Variants in VPS26C observed in about 807,000 individuals in gnomAD.
VPS26C encodes the protein VPS26 endosomal protein sorting factor C, also known as vacuolar protein sorting-associated protein 26C.
A neutral mutation model predicts 30.6 loss-of-function variants in VPS26C; 19 were observed. The ratio of observed to expected loss-of-function variants is 0.62; its 90% CI spans 0.43 to 0.91. The LOEUF is 0.91. Ranked by LOEUF, VPS26C falls within the 40% of genes least tolerant of loss-of-function variation. The probability of loss-of-function intolerance (pLI) is 0.00; values close to 1 mark genes in which losing one functional copy is unlikely to be tolerated. For missense variants in VPS26C, 318 were observed against 385.1 expected, an observed-to-expected ratio of 0.83 and a Z score of 1.46; for synonymous variants, 132 against 151.5, an observed-to-expected ratio of 0.87 and a Z score of 0.95.
intron 2 of VPS26C, 74 bp downstream of exon 2, chr21:37,240,422 G>T: frequency 1.3e-6 from 2 of 1,553,158 alleles, no homozygotes; most frequent in Non-Finnish European, 1.8e-6. Context: ...ACTGCGCCTG[G>T]CCCTGAGCCA....
intron 1 of VPS26C, among the ~76,000 whole-genome samples, chr21:37,254,714 G>A (rs1004870908): frequency 3.3e-5 from 5 of 151,904 alleles, no homozygotes; most frequent in Admixed American, 6.6e-5. Flanking sequence ...GGGAGGCTGC[G>A]GCAGGAGAAT....
chr21:37,252,023 A>G lies in VPS26C; in HGVS notation c.58-11384T>C, dbSNP rs368141386. ...CTTCGTTCCCCACAGTCGTGTGCAT[A>G]TATCTGAACAAGGCCTTCCCTCCTA... is the stretch of plus-strand genomic sequence containing the variant. On this transcript the variant is annotated intron_variant, in intron 1 of 7. Transcript: ENST00000309117. Among the ~76,000 whole-genome samples the G allele has an allele frequency of 1.2e-4, 18 of 152,296 alleles. No individual in the cohort carries two copies. The East Asian group carries it at 2.9e-3, about 24-fold the overall frequency.
chr21:37,255,430 C>T lies in VPS26C; in HGVS notation c.57+11808G>A, dbSNP rs187311071. ...AACGGTAGTGAGGATGAAGGGACCG[C>T]GACCATCACTGGAAAGCATGTGAGC... On this transcript the variant is annotated intron_variant, in intron 1 of 7. Transcript: ENST00000309117. 1.2e-3 allele frequency among the ~76,000 whole-genome samples: 187 copies of T among 152,284 alleles called. 1 individual carries two copies. The highest frequency in any genetic ancestry group is 4.1e-3 in the African/African-American group (170 of 41,552).
At position 37,228,123 on chromosome 21, in the gene VPS26C, G is replaced by A. The variant is rs531461070; in HGVS notation, c.658+100C>T. The A allele has an allele frequency of 2.6e-5, 38 of 1,476,896 alleles. No individual in the cohort carries two copies. In the East Asian group the frequency reaches 4.1e-4, roughly 16 times the overall value. 91.5% of individuals were successfully genotyped at this position (1,476,896 alleles called of 1,614,324 possible). A position where few individuals can be genotyped will look rare whatever the true frequency, so the allele number is the denominator to read the frequency against. On this transcript the variant is annotated intron_variant, in intron 6 of 7. Coordinates refer to ENST00000309117, the MANE Select transcript of VPS26C (RefSeq NM_006052.2). Reference sequence around the variant, plus strand: ...TGAGTAGCTGGGATTACAGGGGTGCGCCACTGTGCCCAGCCCCCCAGCATC... The same window carrying A: ...TGAGTAGCTGGGATTACAGGGGTGCACCACTGTGCCCAGCCCCCCAGCATC...
intron 5 of VPS26C, 39 bp from the exon 6 acceptor site, chr21:37,228,412 A>T (rs1476065066): frequency 6.2e-7 from 1 of 1,607,762 alleles, no homozygotes; most frequent in East Asian, 2.2e-5. Context: ...GAATGCAGGC[A>T]AGGGGGGAAA....
chr21:37,233,541 G>A lies in VPS26C; in HGVS notation c.352-99C>T, dbSNP rs1403926586. Reference sequence around the variant, plus strand: ...GACAAGTCAGTCAACATATTTTAGGGAAATGTTGTACAATCAGTGCATTAT... The same window carrying A: ...GACAAGTCAGTCAACATATTTTAGGAAAATGTTGTACAATCAGTGCATTAT... On this transcript the variant is annotated intron_variant, in intron 3 of 7. Coordinates refer to ENST00000309117, the MANE Select transcript of VPS26C (RefSeq NM_006052.2). This position sits in a 1 kb window ranked among gnomAD's most constrained non-coding sequence, Gnocchi z 5.2. The A allele has an allele frequency of 2.4e-6, 2 of 843,824 alleles. No homozygotes were observed. The highest frequency in any genetic ancestry group is 4.0e-6 in the Non-Finnish European group (2 of 496,380). The allele number at this position is 843,824 out of a possible 1,614,324, so 52.3% of individuals were successfully genotyped here.
rs142759447 is a variant in VPS26C at position 37,238,496 on chromosome 21, C to A, written c.315G>T (p.Leu105=). Residue 105 remains leucine (L), a synonymous_variant, in exon 3 of 8, where the codon CTG becomes CTT. Coordinates refer to ENST00000309117, the MANE Select transcript of VPS26C (RefSeq NM_006052.2). ...CAAACACGCCATGATACGTCTCATA[C>A]AGAACTTTGTTACCCTTCAAGTGCA... The part of the protein sequence containing the change: ...FPLHLKGNKV[L]YETYHGVFVN... 9.9e-6 allele frequency: 16 copies of A among 1,614,066 alleles called. No homozygotes were observed. The Admixed American group carries it at 2.7e-4, about 27-fold the overall frequency.
chr21:37,249,479 T>C (rs1469515974), intron 1 of VPS26C, among the ~76,000 whole-genome samples: 2 of 152,202 alleles, frequency 1.3e-5, no homozygotes, highest in African/African-American at 2.4e-5. Context: ...AAAGTTAAAA[T>C]ATTATAAGTC....
At chr21:37,250,818 T>A (rs2086185038) in intron 1 of VPS26C, among the ~76,000 whole-genome samples, 1 of 148,644 alleles carries the variant, frequency 6.7e-6, no homozygotes, top group East Asian at 2.0e-4. Context: ...AAGAATTACT[T>A]GAACCCGGGA....
chr21:37,246,599 A>T (rs1023312523), intron 1 of VPS26C, among the ~76,000 whole-genome samples: 3 of 152,230 alleles, frequency 2.0e-5, no homozygotes, highest in African/African-American at 7.2e-5. Context: ...GAGATAAGTG[A>T]TGATTATAAT....
upstream of VPS26C, chr21:37,267,752 C>A (rs539432656): frequency 1.5e-5 from 3 of 204,282 alleles, no homozygotes; most frequent in South Asian, 2.0e-4. Context: ...CGCAGACGGT[C>A]GCCCAATGGA....
intron 1 of VPS26C, among the ~76,000 whole-genome samples, chr21:37,263,075 A>C (rs2086321870): frequency 6.6e-6 from 1 of 152,060 alleles, no homozygotes; most frequent in South Asian, 2.1e-4. Context: ...GGGATATTAC[A>C]TTTTAACGTT....
intron 3 of VPS26C, 187 bp downstream of exon 3, chr21:37,238,273 A>G (rs1215862744): frequency 1.1e-5 from 7 of 643,302 alleles, no homozygotes; most frequent in African/African-American, 1.9e-5. Context: ...CCCATCAGAA[A>G]TAACGGCCAT....
intron 1 of VPS26C, among the ~76,000 whole-genome samples, chr21:37,243,507 G>A (rs1247384714): frequency 6.6e-6 from 1 of 152,176 alleles, no homozygotes; most frequent in East Asian, 1.9e-4. Flanking sequence ...CAGACACTGG[G>A]ACCCACTCGC....
chr21:37,226,747 T>C lies in VPS26C; in HGVS notation c.811+907A>G, dbSNP rs763065219. 6.6e-6 allele frequency: 1 copy of C among 152,172 alleles called. No homozygotes were observed. The highest frequency in any genetic ancestry group is 1.5e-5 in the Non-Finnish European group (1 of 68,048). The allele number at this position is 152,172 out of a possible 1,614,324, so 9.4% of individuals were successfully genotyped here. A position where few individuals can be genotyped will look rare whatever the true frequency, so the allele number is the denominator to read the frequency against. ...TGCATTTGAGGTCACTCGCACGGAA[T>C]TGGAGGGGAACACACAGAGGTGCTG... On this transcript the variant is annotated intron_variant, in intron 7 of 7. Transcript: ENST00000309117. The surrounding 1 kb of genome is among the most constrained non-coding windows in gnomAD (Gnocchi z 4.1).
At chr21:37,228,085 C>T in intron 6 of VPS26C, 138 bp downstream of exon 6, 1 of 1,298,808 alleles carries the variant, frequency 7.7e-7, no homozygotes, top group Non-Finnish European at 1.1e-6. Context: ...ACCACCCTCC[C>T]ACCTCAGCCT....
At chr21:37,227,336 C>T (rs557806738) in intron 7 of VPS26C, 1 of 298,008 alleles carries the variant, frequency 3.4e-6, no homozygotes, top group South Asian at 6.4e-5. Context: ...GTCACCTGCC[C>T]ATGTCTACAC....
In VPS26C at chr21:37,228,635, A is replaced by G. The variant is rs575631289; in HGVS notation, c.508-262T>C. 8.9e-5 allele frequency: 32 copies of G among 359,100 alleles called. No homozygotes were observed. The East Asian group carries it at 8.9e-4, about 10-fold the overall frequency. 22.2% of individuals were successfully genotyped at this position (359,100 alleles called of 1,614,324 possible). A position where few individuals can be genotyped will look rare whatever the true frequency, so the allele number is the denominator to read the frequency against. On this transcript the variant is annotated intron_variant, in intron 5 of 7. Transcript: ENST00000309117. ...CCTCAGAGAACCATCCTAATTGCCT[A>G]GTCTCAGAGCTAGAAAGCTCCTTCT...
chr21:37,229,706 G>A (rs964191793), intron 5 of VPS26C, among the ~76,000 whole-genome samples: 3 of 152,112 alleles, frequency 2.0e-5, no homozygotes, highest in African/African-American at 7.2e-5. Flanking sequence ...ATCCAACTCA[G>A]CTACTTGGTC....
Sources: gnomAD v4.1 joint callset for allele counts (sites outside exome capture counted in the v4.1 genomes callset) on GRCh38, gnomAD v4.1.1 for gene constraint, Gnocchi (gnomAD v3.1) non-coding constraint, MANE v1.5 for transcripts, NCBI Gene and HGNC (gene_info 2026-07-23, HGNC 2026-07-21) for gene names.